Variants in LARP1B observed in about 807,000 individuals in gnomAD.
LARP1B encodes the protein La ribonucleoprotein 1B.
In LARP1B, 76 loss-of-function variants were observed where a neutral mutation model predicts 114.2. That is an observed-to-expected ratio of 0.67 (90% CI 0.55 to 0.81). The LOEUF (loss-of-function observed/expected upper bound fraction) is 0.81, where lower values mean the gene tolerates loss of function less well. Ranked by LOEUF, LARP1B falls within the 30% of genes least tolerant of loss-of-function variation. The pLI, the probability that LARP1B is intolerant of heterozygous loss-of-function variation, is 0.00. For synonymous variants in LARP1B, 345 were observed against 348.0 expected, an observed-to-expected ratio of 0.99 and a Z score of 0.10; for missense variants, 1,014 against 1,075.8, an observed-to-expected ratio of 0.94 and a Z score of 0.80.
At chr4:128,101,719 A>G (rs112398193) in intron 8 of LARP1B, among the ~76,000 whole-genome samples, 4,180 of 152,158 alleles carry the variant, frequency 0.027, 182 homozygotes, top group African/African-American at 0.096. Flanking sequence ...GCCTCAAGTG[A>G]TCTTCCTGCC....
chr4:128,121,803 A>G, intron 10 of LARP1B, 23 bp from the exon 11 acceptor site: 1 of 1,454,292 alleles, frequency 6.9e-7, no homozygotes, highest in Non-Finnish European at 9.1e-7. Flanking sequence ...TTTTTTATAT[A>G]AATTACCAAT....
chr4:128,083,273 C>T (rs11944097), intron 5 of LARP1B, among the ~76,000 whole-genome samples: 1 of 152,140 alleles, frequency 6.6e-6, no homozygotes, highest in Admixed American at 6.5e-5. Context: ...ACCTTTCCCC[C>T]CTTTCTATTC....
At chr4:128,102,194 G>A (rs1407269738) in intron 8 of LARP1B, among the ~76,000 whole-genome samples, 2 of 152,202 alleles carry the variant, frequency 1.3e-5, no homozygotes, top group Non-Finnish European at 2.9e-5. Flanking sequence ...AGTAGGAAAG[G>A]TGTTCTTTTT....
intron 11 of LARP1B, among the ~76,000 whole-genome samples, chr4:128,141,407 T>A (rs1728043737): frequency 6.6e-6 from 1 of 152,164 alleles, no homozygotes. Flanking sequence ...AACGAGTTGC[T>A]CAGTATTCTA....
chr4:128,116,678 G>A (rs573357165), intron 10 of LARP1B, among the ~76,000 whole-genome samples: 1 of 152,214 alleles, frequency 6.6e-6, no homozygotes, highest in Admixed American at 6.5e-5. Context: ...TTAGGTTCTG[G>A]GGGCCTAGAT....
chr4:128,089,931 C>T (rs1775262319), intron 5 of LARP1B, among the ~76,000 whole-genome samples: 1 of 151,786 alleles, frequency 6.6e-6, no homozygotes, highest in Admixed American at 6.6e-5. Flanking sequence ...ACCACCACGC[C>T]TGGCTAATTT....
intron 12 of LARP1B, among the ~76,000 whole-genome samples, chr4:128,175,987 G>T (rs1042547497): frequency 6.6e-6 from 1 of 150,876 alleles, no homozygotes; most frequent in Non-Finnish European, 1.5e-5. Flanking sequence ...GGTTGTTACT[G>T]TTCCTAGATC....
intron 1 of LARP1B, among the ~76,000 whole-genome samples, chr4:128,068,116 G>A (rs910146774): frequency 2.6e-5 from 4 of 152,172 alleles, no homozygotes; most frequent in East Asian, 3.9e-4. Flanking sequence ...TCCTGACCTC[G>A]TGATCCACCC....
At chr4:128,099,845 C>T (rs894836567) in intron 8 of LARP1B, among the ~76,000 whole-genome samples, 2 of 152,038 alleles carry the variant, frequency 1.3e-5, no homozygotes, top group African/African-American at 4.8e-5. Flanking sequence ...AGTGGCTTTA[C>T]CATTTTGCAT....
intron 1 of LARP1B, among the ~76,000 whole-genome samples, chr4:128,065,281 C>CTT (rs1561010780): frequency 7.5e-6 from 1 of 133,024 alleles, no homozygotes; most frequent in African/African-American, 3.0e-5. Flanking sequence ...TTCTTTCTTT[C>CTT]TTTCTTTCTT....
chr4:128,189,598 C>T (rs1751567874), intron 15 of LARP1B, among the ~76,000 whole-genome samples: 1 of 152,006 alleles, frequency 6.6e-6, no homozygotes, highest in Admixed American at 6.6e-5. Context: ...TAACTCCTCC[C>T]TTACTTCCTT....
In LARP1B at chr4:128,107,207, A is replaced by C; in HGVS notation, c.882A>C (p.Lys294Asn). 1 of 1,614,178 alleles carries C rather than the reference A, an allele frequency of 6.2e-7. No homozygotes were observed. Among genetic ancestry groups the C allele is most frequent in the Admixed American group, 1.7e-5 (1 of 60,024 alleles). The stretch of plus-strand genomic sequence containing the variant: ...TGAGAAAAAAGATAGAACCAGAAAA[A>C]TGGCCAATTCCAGGCCCTCCTCCAC... ...EKMRKKIEPE[K>N]WPIPGPPPRS... The change falls in exon 9 of 20, where the codon AAA (lysine) becomes AAC (asparagine). Residue 294 changes from lysine to asparagine, a missense_variant. By Grantham distance (94) the Lys-to-Asn change is moderately conservative (BLOSUM62 0). Coordinates refer to ENST00000326639, the MANE Select transcript of LARP1B (RefSeq NM_018078.4).
At chr4:128,151,394 C>A (rs1732715349) in intron 11 of LARP1B, among the ~76,000 whole-genome samples, 3 of 152,040 alleles carry the variant, frequency 2.0e-5, no homozygotes, top group Admixed American at 1.3e-4. Flanking sequence ...TTTATAATTT[C>A]TTTTATTTTT....
chr4:128,080,811 A>G (rs543780539), intron 4 of LARP1B, among the ~76,000 whole-genome samples: 8 of 152,266 alleles, frequency 5.3e-5, no homozygotes, highest in Admixed American at 4.6e-4. Flanking sequence ...TGTTCTGTCA[A>G]GTTAAACAAA....
At chr4:128,099,715 TACACACAC>T (rs61571039) in intron 8 of LARP1B, among the ~76,000 whole-genome samples, 3 of 151,208 alleles carry the variant, frequency 2.0e-5, no homozygotes, top group African/African-American at 4.9e-5. Context: ...GATATATATA[TACACACAC>T]ACACACACAC....
At chr4:128,212,726 A>G (rs78175633), downstream of LARP1B, among the ~76,000 whole-genome samples, 1,217 of 152,242 alleles carry the variant, frequency 8.0e-3, 12 homozygotes, top group Non-Finnish European at 0.014. Context: ...TGTGTATAAA[A>G]GAGTTACTGT....
At chr4:128,085,147 G>T (rs761208804) in intron 5 of LARP1B, among the ~76,000 whole-genome samples, 1 of 152,118 alleles carries the variant, frequency 6.6e-6, no homozygotes, top group Non-Finnish European at 1.5e-5. Context: ...ATAGGCTTGA[G>T]CCACTGCGAC....
At chr4:128,080,254 A>G (rs778287607) in intron 4 of LARP1B, among the ~76,000 whole-genome samples, 9 of 151,968 alleles carry the variant, frequency 5.9e-5, no homozygotes, top group African/African-American at 9.7e-5. Context: ...AAGTGCTGGG[A>G]TTACAGGCGT....
rs1747219102 is a variant in LARP1B, at chr4:128,178,573, G to A, written c.1827G>A (p.Arg609=). 1 of 1,613,934 alleles carries A rather than the reference G, an allele frequency of 6.2e-7. No homozygotes were observed. The highest frequency in any genetic ancestry group is 2.2e-5 in the East Asian group (1 of 44,846). The change falls in exon 14 of 20, where the codon AGG becomes AGA. Residue 609 remains arginine, a synonymous_variant. Transcript: ENST00000326639. ...CACCCAAAACACCTCGAACACCTAG[G>A]TTACAAGATCCTAACAAAACACCAA... is the stretch of plus-strand genomic sequence containing the variant. ...TRTPKTPRTP[R]LQDPNKTPRF...
Sources: allele counts gnomAD v4.1 joint callset (sites outside exome capture counted in the v4.1 genomes callset), GRCh38; gene constraint gnomAD v4.1.1; transcripts MANE v1.5; gene names NCBI Gene and HGNC (gene_info 2026-07-23, HGNC 2026-07-21).